Variants in ZNF462 observed in about 807,000 individuals in gnomAD.
The protein encoded by ZNF462 is zinc finger PBX1-interacting protein.
ZNF462 carries 10 observed loss-of-function variants against 201.9 expected under a neutral mutation model. The ratio of observed to expected loss-of-function variants is 0.05; its 90% CI spans 0.03 to 0.08. The LOEUF is 0.08. ZNF462 is among the 10% of genes least tolerant of loss of function. ZNF462 has a pLI of 1.00. For missense variants in ZNF462, 2,523 were observed against 3,168.3 expected (o/e 0.80, Z 4.89); for synonymous variants, 1,227 against 1,193.3 (o/e 1.03, Z -0.58).
Position 106,890,792 on chromosome 9 carries a change from A to T in ZNF462, c.-31+27437A>T, listed in dbSNP as rs78834910. On this transcript the variant is annotated intron_variant, in intron 1 of 12. Coordinates refer to ENST00000277225, the MANE Select transcript of ZNF462 (RefSeq NM_021224.6). The surrounding 1 kb of genome is among the most constrained non-coding windows in gnomAD (Gnocchi z 4.2). The stretch of plus-strand genomic sequence containing the variant: ...CATCGTAGGGAGTGCATAGTAGACT[A>T]TGTTGTTCAATTATCATGAGATTAC... 6.6e-6 allele frequency among the ~76,000 whole-genome samples: 1 copy of T among 152,152 alleles called. No individual in the cohort carries two copies. Among genetic ancestry groups the T allele is most frequent in the Non-Finnish European group, 1.5e-5 (1 of 68,036 alleles).
At chr9:106,988,039 G>A (rs1006513205) in intron 10 of ZNF462, among the ~76,000 whole-genome samples, 2 of 152,096 alleles carry the variant, frequency 1.3e-5, no homozygotes, top group Admixed American at 1.3e-4. Context: ...TTTTATACCA[G>A]TACTATGCTG....
At position 106,963,049 on chromosome 9, in the gene ZNF462, G is replaced by T. The variant is rs1019769587; in HGVS notation, c.6428-8956G>T. On this transcript the variant is annotated intron_variant, in intron 7 of 12. Transcript: ENST00000277225. This position sits in a 1 kb window ranked among gnomAD's most constrained non-coding sequence, Gnocchi z 4.7. ...GGTTTGTATTCTAAAGCTTAGTTTC[G>T]AATATAATTTTCTTTTGGAATAGCC... 1.3e-5 allele frequency among the ~76,000 whole-genome samples: 2 copies of T among 152,102 alleles called. No individual in the cohort carries two copies. The highest frequency in any genetic ancestry group is 1.9e-4 in the East Asian group (1 of 5,156).
chr9:106,922,176 G>A (rs769782414), intron 1 of ZNF462, among the ~76,000 whole-genome samples: 3 of 152,178 alleles, frequency 2.0e-5, no homozygotes, highest in Non-Finnish European at 4.4e-5. Flanking sequence ...TGGCTACGGT[G>A]TTAGTTCTTG....
chr9:106,916,577 G>T (rs1054767715), intron 1 of ZNF462, among the ~76,000 whole-genome samples: 17 of 152,166 alleles, frequency 1.1e-4, no homozygotes, highest in Admixed American at 7.2e-4. Flanking sequence ...TCTGGGGGGG[G>T]AGAAATCAGT....
At chr9:106,863,164 G>T (rs1050756311), upstream of ZNF462, 4 of 399,116 alleles carry the variant, frequency 1.0e-5, no homozygotes, top group Non-Finnish European at 1.8e-5. Context: ...TGCAGCTGCA[G>T]CGAGTCTGAG....
rs1323194398 is a variant in ZNF462 at position 106,886,414 on chromosome 9, A to G, written c.-31+23059A>G. On this transcript the variant is annotated intron_variant, in intron 1 of 12. Coordinates refer to ENST00000277225, the MANE Select transcript of ZNF462 (RefSeq NM_021224.6). This position sits in a 1 kb window ranked among gnomAD's most constrained non-coding sequence, Gnocchi z 4.6. ...CAACTCTCAGGATTCAAGCCACTGC[A>G]TGTTGGCAATGTAGTAGATCCTGGT... Among the ~76,000 whole-genome samples the G allele has an allele frequency of 2.0e-5, 3 of 152,222 alleles. No individual in the cohort carries two copies. The highest frequency in any genetic ancestry group is 4.8e-5 in the African/African-American group (2 of 41,460).
In ZNF462 at chr9:106,984,135, G is replaced by C; in HGVS notation, c.6833-51G>C. 1.3e-6 allele frequency: 2 copies of C among 1,533,114 alleles called. No homozygotes were observed. The highest frequency in any genetic ancestry group is 1.8e-6 in the Non-Finnish European group (2 of 1,121,180). 95.0% of individuals were successfully genotyped at this position (1,533,114 alleles called of 1,614,324 possible). A position where few individuals can be genotyped will look rare whatever the true frequency, so the allele number is the denominator to read the frequency against. ...CTTGTATTCCAAAGAAAGAACTTCT[G>C]TTTTGCCATCAGTAAAAATTCCCAT... On this transcript the variant is annotated intron_variant, in intron 9 of 12. Transcript: ENST00000277225. This position sits in a 1 kb window ranked among gnomAD's most constrained non-coding sequence, Gnocchi z 6.4.
upstream of ZNF462, among the ~76,000 whole-genome samples, chr9:106,861,910 T>C (rs1164593761): frequency 2.0e-5 from 3 of 152,212 alleles, no homozygotes; most frequent in African/African-American, 7.2e-5. Context: ...TCCGAGCCTT[T>C]AGATGATCAG....
At position 106,927,691 on chromosome 9, in the gene ZNF462, C is replaced by G; in HGVS notation, c.3779C>G (p.Thr1260Arg). ...CCCTCTAATCTGGAGCGGGACAAAA[C>G]GAAACTCCGAGCACTCAAATGTAGG... is the stretch of plus-strand genomic sequence containing the variant. ...VSPSNLERDK[T>R]KLRALKCRQC... Residue 1260 changes from threonine (T) to arginine (R), a missense_variant, in exon 3 of 13, where the codon ACG becomes AGG. Physicochemically the swap from Thr to Arg is moderately conservative, Grantham distance 71. Coordinates refer to ENST00000277225, the MANE Select transcript of ZNF462 (RefSeq NM_021224.6). 2 of 1,614,062 alleles carry G rather than the reference C, an allele frequency of 1.2e-6. No individual in the cohort carries two copies. The highest frequency in any genetic ancestry group is 2.2e-5 in the South Asian group (2 of 91,056).
At chr9:106,901,630 G>A (rs887179140) in intron 1 of ZNF462, among the ~76,000 whole-genome samples, 3 of 151,878 alleles carry the variant, frequency 2.0e-5, no homozygotes, top group African/African-American at 7.2e-5. Context: ...GGGGTGTTTT[G>A]CCTCCTTGGT....
rs1831885616 is a variant in ZNF462, at chr9:106,962,438, C to A, written c.6428-9567C>A. Among the ~76,000 whole-genome samples the A allele has an allele frequency of 1.3e-5, 2 of 152,056 alleles. No individual in the cohort carries two copies. Among genetic ancestry groups the A allele is most frequent in the Admixed American group, 1.3e-4 (2 of 15,262 alleles). On this transcript the variant is annotated intron_variant, in intron 7 of 12. Transcript: ENST00000277225. The surrounding 1 kb of genome is among the most constrained non-coding windows in gnomAD (Gnocchi z 4.6). ...TATACGATCTAGTGAATTGAAAAGT[C>A]CAGGAATCCTCCTTGGCCTCAGGTC...
Position 106,981,028 on chromosome 9 carries a change from T to A in ZNF462, c.6833-3158T>A, listed in dbSNP as rs914198937. ...AACACTGTCAGTCATTTGCCCACCT[T>A]TTAAAGTCTGTCTTTTTTTATTTTT... On this transcript the variant is annotated intron_variant, in intron 9 of 12. Coordinates refer to ENST00000277225, the MANE Select transcript of ZNF462 (RefSeq NM_021224.6). The surrounding 1 kb of genome is among the most constrained non-coding windows in gnomAD (Gnocchi z 4.0). Among the ~76,000 whole-genome samples, 2 of 152,220 alleles carry A rather than the reference T, an allele frequency of 1.3e-5. No homozygotes were observed. The highest frequency in any genetic ancestry group is 4.8e-5 in the African/African-American group (2 of 41,462).
chr9:106,924,643 G>C lies in ZNF462; in HGVS notation c.731G>C (p.Cys244Ser), dbSNP rs1338654897. ...TTGACCAAATCTCGAGGCAACTTTT[G>C]TTGTGAGTGGTGCAGCTACCAGACC... ...KPLTKSRGNF[C>S]CEWCSYQTPR... is the part of the protein sequence containing the mutation. Residue 244 changes from cysteine (C) to serine (S), a missense_variant, in exon 3 of 13, where the codon TGT becomes TCT. Cys to Ser is a moderately radical substitution (Grantham distance 112). This residue lies in a region of ZNF462 where 480 missense variants were observed against 544.4 expected (regional missense o/e 0.88). Coordinates refer to ENST00000277225, the MANE Select transcript of ZNF462 (RefSeq NM_021224.6). This position sits in a 1 kb window ranked among gnomAD's most constrained non-coding sequence, Gnocchi z 6.2. The C allele has an allele frequency of 6.2e-7, 1 of 1,614,142 alleles. No homozygotes were observed. The highest frequency in any genetic ancestry group is 8.5e-7 in the Non-Finnish European group (1 of 1,180,038).
rs1245960793 is a variant in ZNF462, at chr9:106,865,787, A to G, written c.-31+2432A>G. On this transcript the variant is annotated intron_variant, in intron 1 of 12. Coordinates refer to ENST00000277225, the MANE Select transcript of ZNF462 (RefSeq NM_021224.6). The surrounding 1 kb of genome is among the most constrained non-coding windows in gnomAD (Gnocchi z 4.1). ...CCTTTTTAATTGGGAGGAATTTATTAATCATGTAGGAAGACATTTTGTGAG... is the reference window on the plus strand; with the variant it reads ...CCTTTTTAATTGGGAGGAATTTATTGATCATGTAGGAAGACATTTTGTGAG... Among the ~76,000 whole-genome samples, 1 of 152,210 alleles carries G rather than the reference A, an allele frequency of 6.6e-6. No individual in the cohort carries two copies. The highest frequency in any genetic ancestry group is 2.4e-5 in the African/African-American group (1 of 41,456).
Position 106,972,735 on chromosome 9 carries a change from A to G in ZNF462, c.6695+463A>G, listed in dbSNP as rs558748717. Among the ~76,000 whole-genome samples, 1 of 152,324 alleles carries G rather than the reference A, an allele frequency of 6.6e-6. No homozygotes were observed. Among genetic ancestry groups the G allele is most frequent in the Admixed American group, 6.5e-5 (1 of 15,304 alleles). On this transcript the variant is annotated intron_variant, in intron 8 of 12. Transcript: ENST00000277225. The surrounding 1 kb of genome is among the most constrained non-coding windows in gnomAD (Gnocchi z 4.8). ...GATCGTAGTATTGAAAGACACATAG[A>G]GAATCAAGACCCTGGCACTTCCAAC...
Position 106,913,643 on chromosome 9 carries a change from G to A in ZNF462, c.-30-9711G>A, listed in dbSNP as rs1829644751. Among the ~76,000 whole-genome samples the A allele has an allele frequency of 7.2e-6, 1 of 138,384 alleles. No homozygotes were observed. The highest frequency in any genetic ancestry group is 2.5e-5 in the African/African-American group (1 of 40,440). 90.8% of individuals were successfully genotyped at this position (138,384 alleles called of 152,430 possible). On this transcript the variant is annotated intron_variant, in intron 1 of 12. Coordinates refer to ENST00000277225, the MANE Select transcript of ZNF462 (RefSeq NM_021224.6). The surrounding 1 kb of genome is among the most constrained non-coding windows in gnomAD (Gnocchi z 4.1). ...GAGACAATCTCATTCTGTGACCCAG[G>A]CTGGAGTGCAGTGGCATGATCTCGA... is the stretch of plus-strand genomic sequence containing the variant.
intron 7 of ZNF462, among the ~76,000 whole-genome samples, chr9:106,957,710 T>C (rs1831642960): frequency 6.6e-6 from 1 of 152,140 alleles, no homozygotes; most frequent in Admixed American, 6.6e-5. Flanking sequence ...AAGAAATATG[T>C]ATTAAGCGTC....
At chr9:106,866,494 G>A (rs951531940) in intron 1 of ZNF462, among the ~76,000 whole-genome samples, 1 of 152,034 alleles carries the variant, frequency 6.6e-6, no homozygotes, top group Admixed American at 6.6e-5. Flanking sequence ...AATTGTCCAT[G>A]GTCAATGAAG....
At chr9:106,921,675 T>A (rs1829998757) in intron 1 of ZNF462, among the ~76,000 whole-genome samples, 1 of 152,208 alleles carries the variant, frequency 6.6e-6, no homozygotes, top group Admixed American at 6.5e-5. Flanking sequence ...TCTGCTTTTT[T>A]CTGTGAAGTG....
Sources: gnomAD v4.1 joint callset for allele counts (sites outside exome capture counted in the v4.1 genomes callset) on GRCh38, gnomAD v4.1.1 for gene constraint, gnomAD v4.1.1 regional missense constraint, Gnocchi (gnomAD v3.1) non-coding constraint, MANE v1.5 for transcripts, NCBI Gene and HGNC (gene_info 2026-07-23, HGNC 2026-07-21) for gene names.